The following CREBBP variants were observed in gnomAD, a reference collection of about 807,000 sequenced individuals.
CREBBP encodes the protein CREB binding lysine acetyltransferase, also known as CREB-binding protein.
A neutral mutation model predicts 265.0 loss-of-function variants in CREBBP; 19 were observed. The observed-to-expected ratio is 0.07, with a 90% CI of 0.05 to 0.11. The LOEUF (loss-of-function observed/expected upper bound fraction) is 0.11. Among genes scored for constraint, CREBBP ranks in the 10% least tolerant of loss-of-function variants. CREBBP has a pLI of 1.00. For synonymous variants in CREBBP, 1,457 were observed against 1,223.7 expected, an observed-to-expected ratio of 1.19 and a Z score of -3.98; for missense variants, 2,525 against 3,219.0, an observed-to-expected ratio of 0.78 and a Z score of 5.22.
chr16:3,727,908 G>A lies in CREBBP; in HGVS notation c.7139C>T (p.Thr2380Ile), dbSNP rs2151299030. The A allele has an allele frequency of 6.2e-7, 1 of 1,612,540 alleles. No individual in the cohort carries two copies. The highest frequency in any genetic ancestry group is 1.1e-5 in the South Asian group (1 of 90,914). ...TGCGAGTCCGGGGTGGGGGGAACCAGTCTGGGGTGAGACGTGGTGTGGCGA... is the reference window on the plus strand; with the variant it reads ...TGCGAGTCCGGGGTGGGGGGAACCAATCTGGGGTGAGACGTGGTGTGGCGA... ...QPSPHHVSPQ[T>I]GSPHPGLAVT... is the part of the protein sequence containing the mutation. Residue 2380 changes from threonine to isoleucine, a missense_variant, in exon 31 of 31, where the codon ACT becomes ATT. Physicochemically the swap from Thr to Ile is moderately conservative, Grantham distance 89 (BLOSUM62 -1). This residue lies in a region of CREBBP where 473 missense variants were observed against 459.3 expected (regional missense o/e 1.03). Transcript: ENST00000262367.
At chr16:3,755,611 C>A (rs2052568295) in intron 19 of CREBBP, among the ~76,000 whole-genome samples, 1 of 152,104 alleles carries the variant, frequency 6.6e-6, no homozygotes, top group South Asian at 2.1e-4. Flanking sequence ...ATCATGGGGT[C>A]TGCTGAAGGT....
At chr16:3,816,824 G>A (rs1483861823) in intron 2 of CREBBP, among the ~76,000 whole-genome samples, 2 of 152,154 alleles carry the variant, frequency 1.3e-5, no homozygotes, top group African/African-American at 4.8e-5. Flanking sequence ...GGATGCAGCG[G>A]AAGGACCCAA....
At chr16:3,763,624 C>T (rs1282234144) in intron 16 of CREBBP, among the ~76,000 whole-genome samples, 8 of 151,822 alleles carry the variant, frequency 5.3e-5, no homozygotes, top group East Asian at 1.9e-4. Context: ...CCACCAGGCC[C>T]GACTAATTTT....
chr16:3,805,572 C>T (rs1377205379), intron 3 of CREBBP, among the ~76,000 whole-genome samples: 5 of 152,306 alleles, frequency 3.3e-5, no homozygotes, highest in East Asian at 1.9e-4. Flanking sequence ...CTGGCGTTCA[C>T]GAAGCTTAAC....
At chr16:3,878,959 GAAAC>G (rs150013374) in intron 1 of CREBBP, among the ~76,000 whole-genome samples, 3 of 152,036 alleles carry the variant, frequency 2.0e-5, no homozygotes, top group Admixed American at 1.3e-4. Context: ...TTAATGAAAG[GAAAC>G]AAACAAAAAG....
chr16:3,786,312 G>A (rs1011480419), intron 5 of CREBBP, among the ~76,000 whole-genome samples: 1 of 152,152 alleles, frequency 6.6e-6, no homozygotes, highest in African/African-American at 2.4e-5. Flanking sequence ...GTTGCAGTGA[G>A]CTGAGATCGC....
chr16:3,852,157 GTTTTTTTTTTTTT>G (rs910861282), intron 1 of CREBBP, among the ~76,000 whole-genome samples: 2 of 50,880 alleles, frequency 3.9e-5, no homozygotes, highest in Admixed American at 2.6e-4. Flanking sequence ...TCTTAAATTT[GTTTTTTTTTTTTT>G]TTTTTTTTTT....
At chr16:3,830,867 T>C (rs1235339076) in intron 2 of CREBBP, among the ~76,000 whole-genome samples, 1 of 152,180 alleles carries the variant, frequency 6.6e-6, no homozygotes, top group African/African-American at 2.4e-5. Context: ...CTGTAACCTC[T>C]ACCTCCTGGG....
chr16:3,804,610 G>A (rs2053792000), intron 3 of CREBBP, among the ~76,000 whole-genome samples: 1 of 152,202 alleles, frequency 6.6e-6, no homozygotes, highest in African/African-American at 2.4e-5. Flanking sequence ...TTACTGAGTT[G>A]TTGCTTCTTG....
At chr16:3,840,280 T>C (rs1327184296) in intron 2 of CREBBP, among the ~76,000 whole-genome samples, 3 of 152,176 alleles carry the variant, frequency 2.0e-5, no homozygotes, top group African/African-American at 7.2e-5. Context: ...CAGCCAGGCA[T>C]GATAGTTTCA....
At chr16:3,851,916 T>C (rs2054849548) in intron 1 of CREBBP, among the ~76,000 whole-genome samples, 2 of 144,482 alleles carry the variant, frequency 1.4e-5, no homozygotes, top group African/African-American at 5.2e-5. Flanking sequence ...CGGGCGCCTG[T>C]AATCCCAGCT....
At chr16:3,757,053 A>G (rs2052602838) in intron 19 of CREBBP, among the ~76,000 whole-genome samples, 1 of 152,144 alleles carries the variant, frequency 6.6e-6, no homozygotes, top group Non-Finnish European at 1.5e-5. Flanking sequence ...TTCTTTTCAA[A>G]TAGAGATGGG....
intron 12 of CREBBP, 136 bp downstream of exon 12, chr16:3,774,433 T>G (rs778829089): frequency 1.7e-6 from 2 of 1,152,932 alleles, no homozygotes; most frequent in South Asian, 2.6e-5. Context: ...AAATGAGAGA[T>G]GAAAGAAATA....
intron 2 of CREBBP, among the ~76,000 whole-genome samples, chr16:3,825,288 G>A (rs1186000001): frequency 6.6e-6 from 1 of 152,160 alleles, no homozygotes; most frequent in East Asian, 1.9e-4. Context: ...ATGACTCACT[G>A]CTAAGGGCAT....
chr16:3,731,552 C>T lies in CREBBP; in HGVS notation c.4891-79G>A, dbSNP rs894700160. Reference sequence around the variant, plus strand: ...GTGAGCTCAGGGCAGGCGCAGCCACCCAGCCTGCAGAATAGGCAGGTGGCT... The same window carrying T: ...GTGAGCTCAGGGCAGGCGCAGCCACTCAGCCTGCAGAATAGGCAGGTGGCT... On this transcript the variant is annotated intron_variant, in intron 29 of 30. Coordinates refer to ENST00000262367, the MANE Select transcript of CREBBP (RefSeq NM_004380.3). This position sits in a 1 kb window ranked among gnomAD's most constrained non-coding sequence, Gnocchi z 7.7. The T allele has an allele frequency of 2.6e-6, 4 of 1,522,400 alleles. No individual in the cohort carries two copies. The East Asian group carries it at 7.2e-5, about 27-fold the overall frequency. The allele number at this position is 1,522,400 out of a possible 1,614,324, so 94.3% of individuals were successfully genotyped here.
At chr16:3,843,129 C>A (rs1055630225) in intron 2 of CREBBP, among the ~76,000 whole-genome samples, 3 of 152,004 alleles carry the variant, frequency 2.0e-5, no homozygotes, top group African/African-American at 7.2e-5. Flanking sequence ...AACTGTAAAA[C>A]TTACGAAAGA....
intron 13 of CREBBP, among the ~76,000 whole-genome samples, chr16:3,771,461 CG>C (rs2053006792): frequency 6.6e-6 from 1 of 152,118 alleles, no homozygotes; most frequent in African/African-American, 2.4e-5. Flanking sequence ...TCCTCAATAA[CG>C]GTAAAACTAC....
At chr16:3,774,038 C>G (rs757049796) in intron 12 of CREBBP, 108 bp from the exon 13 acceptor site, 38 of 1,186,400 alleles carry the variant, frequency 3.2e-5, no homozygotes, top group Middle Eastern at 2.7e-4. Context: ...GGATGGCAAG[C>G]ACAGGGCTCA....
At chr16:3,777,550 C>T (rs2141230334) in intron 11 of CREBBP, 63 bp downstream of exon 11, 1 of 1,533,660 alleles carries the variant, frequency 6.5e-7, no homozygotes, top group Non-Finnish European at 9.0e-7. Context: ...GAGGAAAAAA[C>T]AGTGAAAGTT....
Sources: allele counts gnomAD v4.1 joint callset (sites outside exome capture counted in the v4.1 genomes callset), GRCh38; gene constraint gnomAD v4.1.1; regional missense constraint gnomAD v4.1.1; non-coding constraint Gnocchi (gnomAD v3.1); transcripts MANE v1.5; gene names NCBI Gene and HGNC (gene_info 2026-07-23, HGNC 2026-07-21).